Variants in HDAC9 observed in about 807,000 individuals in gnomAD.
The protein encoded by HDAC9 is MEF-2 interacting transcription repressor (MITR) protein.
Under a neutral mutation model 139.4 loss-of-function variants are expected in HDAC9, and 41 were observed. The ratio of observed to expected loss-of-function variants is 0.29; its 90% CI spans 0.23 to 0.38. The LOEUF (loss-of-function observed/expected upper bound fraction) is 0.38, where lower values mean the gene tolerates loss of function less well. Among genes scored for constraint, HDAC9 ranks in the 10% least tolerant of loss-of-function variants. The pLI, the probability that HDAC9 is intolerant of heterozygous loss-of-function variation, is 1.00. For synonymous variants in HDAC9, 517 were observed against 476.2 expected (o/e 1.09, Z -1.12); for missense variants, 1,147 against 1,297.0 (o/e 0.88, Z 1.78).
intron 1 of HDAC9, among the ~76,000 whole-genome samples, chr7:18,136,153 T>G (rs1369743796): frequency 5.1e-4 from 75 of 147,068 alleles, no homozygotes; most frequent in South Asian, 8.7e-4. Flanking sequence ...TGGGGTTGTT[T>G]GTTTTTTTCT....
intron 1 of HDAC9, among the ~76,000 whole-genome samples, chr7:18,305,116 C>T (rs1336187353): frequency 6.6e-6 from 1 of 152,146 alleles, no homozygotes. Flanking sequence ...GCACCTTTCC[C>T]TCCTGGTTAT....
At chr7:18,806,184 C>T (rs1181803807) in intron 17 of HDAC9, among the ~76,000 whole-genome samples, 1 of 152,204 alleles carries the variant, frequency 6.6e-6, no homozygotes, top group Admixed American at 6.5e-5. Context: ...ACTTCCATTT[C>T]ACCCCATTCA....
intron 2 of HDAC9, among the ~76,000 whole-genome samples, chr7:18,198,366 G>A (rs1047576702): frequency 2.0e-5 from 3 of 151,880 alleles, no homozygotes; most frequent in Admixed American, 6.6e-5. Flanking sequence ...GAGAAATTTT[G>A]GTTCTTATGG....
At chr7:18,994,712 T>C (rs1786317794) in intron 25 of HDAC9, among the ~76,000 whole-genome samples, 1 of 152,234 alleles carries the variant, frequency 6.6e-6, no homozygotes, top group South Asian at 2.1e-4. Context: ...AGCTACTACT[T>C]TATTTGTCAG....
chr7:18,918,516 C>T (rs1196833455), intron 22 of HDAC9, among the ~76,000 whole-genome samples: 1 of 152,016 alleles, frequency 6.6e-6, no homozygotes, highest in Non-Finnish European at 1.5e-5. Context: ...TAAGAATAGA[C>T]ATAAGAATTT....
intron 1 of HDAC9, among the ~76,000 whole-genome samples, chr7:18,138,527 GGTGTGTGTGTGTGTGTGTGTGTGT>G (rs71014309): frequency 7.0e-6 from 1 of 142,586 alleles, no homozygotes. Context: ...GAGAGAGAGA[GGTGTGTGTGTGTGTGTGTGTGTGT>G]GTGTGTGTGT....
intron 16 of HDAC9, 42 bp downstream of exon 16, chr7:18,767,197 T>TA (rs1789903804): frequency 1.7e-6 from 2 of 1,161,806 alleles, no homozygotes; most frequent in Admixed American, 2.6e-5. Flanking sequence ...AACATAAAAT[T>TA]ACAAAAAAAA....
At chr7:18,203,137 A>G (rs1791261611) in intron 2 of HDAC9, among the ~76,000 whole-genome samples, 4 of 152,192 alleles carry the variant, frequency 2.6e-5, no homozygotes, top group Admixed American at 2.0e-4. Flanking sequence ...TAGGAAAAAT[A>G]GACTAAAAAG....
intron 12 of HDAC9, among the ~76,000 whole-genome samples, chr7:18,674,807 G>T (rs2129085969): frequency 6.6e-6 from 1 of 151,796 alleles, no homozygotes; most frequent in East Asian, 1.9e-4. Flanking sequence ...TTTTAAACTG[G>T]CTTTAGTAAA....
At chr7:18,817,941 A>G (rs901862763) in intron 17 of HDAC9, among the ~76,000 whole-genome samples, 4 of 152,222 alleles carry the variant, frequency 2.6e-5, no homozygotes, top group African/African-American at 9.6e-5. Flanking sequence ...ACCTCAACCT[A>G]CATTTAAGCA....
At chr7:18,952,056 C>T (rs1324925362) in intron 23 of HDAC9, among the ~76,000 whole-genome samples, 1 of 151,938 alleles carries the variant, frequency 6.6e-6, no homozygotes, top group Non-Finnish European at 1.5e-5. Context: ...TATGTATACA[C>T]TCAAAATGAA....
At chr7:18,432,212 C>T (rs764032088) in intron 1 of HDAC9, among the ~76,000 whole-genome samples, 24 of 152,310 alleles carry the variant, frequency 1.6e-4, no homozygotes, top group South Asian at 6.2e-4. Context: ...GTACCTACTA[C>T]GCTCCAGCTC....
intron 6 of HDAC9, among the ~76,000 whole-genome samples, chr7:18,606,600 A>T (rs1281853196): frequency 2.6e-5 from 4 of 152,206 alleles, no homozygotes; most frequent in Non-Finnish European, 5.9e-5. Flanking sequence ...ATAACATTAA[A>T]CCATTTAGCA....
intron 24 of HDAC9, among the ~76,000 whole-genome samples, chr7:18,955,767 G>T (rs1013413969): frequency 6.6e-6 from 1 of 152,100 alleles, no homozygotes; most frequent in South Asian, 2.1e-4. Flanking sequence ...TCAACTGGGG[G>T]TGAGAGGGAC....
chr7:18,832,465 A>T (rs1034655945), intron 19 of HDAC9, among the ~76,000 whole-genome samples: 3 of 152,218 alleles, frequency 2.0e-5, no homozygotes, highest in Non-Finnish European at 4.4e-5. Flanking sequence ...TACAGCATCA[A>T]TGTTTGCAGT....
At chr7:18,285,897 A>C (rs773858760), upstream of HDAC9, among the ~76,000 whole-genome samples, 6 of 152,076 alleles carry the variant, frequency 3.9e-5, no homozygotes, top group Non-Finnish European at 8.8e-5. Flanking sequence ...AAAGAGACTA[A>C]ATTTGGGATG....
chr7:18,689,708 G>A (rs1013802967), intron 12 of HDAC9, among the ~76,000 whole-genome samples: 4 of 151,914 alleles, frequency 2.6e-5, no homozygotes, highest in Admixed American at 6.6e-5. Context: ...TGGGCTTACG[G>A]CCATTAGGAT....
chr7:18,430,577 T>G (rs1463838354), intron 1 of HDAC9: 1 of 152,142 alleles, frequency 6.6e-6, no homozygotes, highest in Non-Finnish European at 1.5e-5. Context: ...AAGCGAAAGT[T>G]TCATTAAGTA....
intron 1 of HDAC9, among the ~76,000 whole-genome samples, chr7:18,368,644 G>C (rs1465141622): frequency 6.6e-6 from 1 of 151,970 alleles, no homozygotes; most frequent in Non-Finnish European, 1.5e-5. Flanking sequence ...GCCCCTTTAT[G>C]CTGATTATAA....
Sources: allele counts gnomAD v4.1 joint callset (sites outside exome capture counted in the v4.1 genomes callset), GRCh38; gene constraint gnomAD v4.1.1; transcripts MANE v1.5; gene names NCBI Gene and HGNC (gene_info 2026-07-23, HGNC 2026-07-21).